Variants in SF3B1 observed in about 807,000 individuals in gnomAD.
SF3B1 encodes splicing factor 3b subunit 1.
Under a neutral mutation model 153.8 loss-of-function variants are expected in SF3B1, and 12 were observed. That is an observed-to-expected ratio of 0.08 (90% CI 0.05 to 0.13). SF3B1 has a LOEUF of 0.13. Among genes scored for constraint, SF3B1 ranks in the 10% least tolerant of loss-of-function variants. The pLI, the probability that SF3B1 is intolerant of heterozygous loss-of-function variation, is 1.00. For missense variants in SF3B1, 513 were observed against 1,606.1 expected, an observed-to-expected ratio of 0.32 and a Z score of 11.63; for synonymous variants, 498 against 525.2, an observed-to-expected ratio of 0.95 and a Z score of 0.71.
intron 1 of SF3B1, among the ~76,000 whole-genome samples, chr2:197,431,309 G>C (rs1054524025): frequency 5.9e-5 from 9 of 151,572 alleles, no homozygotes; most frequent in Admixed American, 6.6e-5. Flanking sequence ...TAGTAGAGAG[G>C]GGGTTTCACC....
In SF3B1 at chr2:197,408,117, G is replaced by T; in HGVS notation, c.1120C>A (p.His374Asn). The T allele has an allele frequency of 6.2e-7, 1 of 1,612,090 alleles. No homozygotes were observed. The highest frequency in any genetic ancestry group is 1.1e-5 in the South Asian group (1 of 90,810). The change falls in exon 9 of 25, where the codon CAC becomes AAC. Residue 374 changes from histidine to asparagine, a missense_variant and splice_region_variant. Transcript: ENST00000335508. Reference protein sequence around the residue: ...AMNMATPTPGHIMSMTPEQLQ... With the variant: ...AMNMATPTPGNIMSMTPEQLQ... ...TGTTCAGGAGTCATACTCATTATGT[G>T]ACCTACCAAGAAAAGCAAATTTTTA... is the stretch of plus-strand genomic sequence containing the variant.
chr2:197,424,897 C>T (rs531988826), intron 1 of SF3B1, among the ~76,000 whole-genome samples: 2 of 152,348 alleles, frequency 1.3e-5, no homozygotes, highest in East Asian at 3.9e-4. Flanking sequence ...CGGTGGTCCA[C>T]GCCTATAATC....
chr2:197,413,621 C>T (rs1348000320), intron 6 of SF3B1, among the ~76,000 whole-genome samples: 1 of 152,070 alleles, frequency 6.6e-6, no homozygotes, highest in Non-Finnish European at 1.5e-5. Flanking sequence ...AAATCTATAG[C>T]AGTCTAGGCT....
chr2:197,424,366 G>A (rs958081927), intron 1 of SF3B1, among the ~76,000 whole-genome samples: 3 of 152,026 alleles, frequency 2.0e-5, no homozygotes, highest in Admixed American at 1.3e-4. Flanking sequence ...CTGGGCGTGG[G>A]GGCATGCACC....
chr2:197,392,608 C>T (rs192279105), intron 24 of SF3B1, 147 bp from the exon 25 acceptor site: 63 of 567,742 alleles, frequency 1.1e-4, no homozygotes, highest in African/African-American at 1.0e-3. Flanking sequence ...TGCTCTTAAG[C>T]TGCAATGGAA....
intron 20 of SF3B1, 106 bp from the exon 21 acceptor site, chr2:197,398,687 C>G: frequency 9.5e-7 from 1 of 1,053,376 alleles, no homozygotes; most frequent in Non-Finnish European, 1.4e-6. Context: ...TATAAACTTA[C>G]AGCTGCCTAG....
rs150224757 is a variant in SF3B1 at position 197,429,892 on chromosome 2, T to C, written c.28+5080A>G. ...GCCAATAATTTTCTGGGTGCTTCCA[T>C]TGCTTGTAGGCCCCCTAACATCTTG... is the stretch of plus-strand genomic sequence containing the variant. On this transcript the variant is annotated intron_variant, in intron 1 of 24. Transcript: ENST00000335508. Among the ~76,000 whole-genome samples the C allele has an allele frequency of 1.2e-3, 181 of 152,302 alleles. 4 individuals carry two copies. The East Asian group carries it at 0.031, about 26-fold the overall frequency.
At chr2:197,420,920 T>C in intron 3 of SF3B1, 109 bp downstream of exon 3, 2 of 693,678 alleles carry the variant, frequency 2.9e-6, no homozygotes, top group Non-Finnish European at 2.5e-6. Flanking sequence ...AAATAAGTTA[T>C]TATTTATAAT....
At chr2:197,433,644 T>C (rs963692708) in intron 1 of SF3B1, among the ~76,000 whole-genome samples, 10 of 152,238 alleles carry the variant, frequency 6.6e-5, no homozygotes, top group African/African-American at 9.6e-5. Flanking sequence ...GTTTGATAAA[T>C]AGCAGAAAGC....
rs2084924071 is a variant in SF3B1, at chr2:197,400,214, A to C, written c.2901+38T>G. 6.2e-7 allele frequency: 1 copy of C among 1,610,050 alleles called. No individual in the cohort carries two copies. Among genetic ancestry groups the C allele is most frequent in the African/African-American group, 1.3e-5 (1 of 74,802 alleles). ...AAAATGTTACTATTTACATTAAACT[A>C]TTTGGGGAAGAAGTAAGAATTTGAT... On this transcript the variant is annotated intron_variant, in intron 19 of 24. Transcript: ENST00000335508. This position sits in a 1 kb window ranked among gnomAD's most constrained non-coding sequence, Gnocchi z 5.0.
At chr2:197,418,780 C>A (rs2106008202) in intron 4 of SF3B1, 192 bp from the exon 5 acceptor site, 1 of 1,470,048 alleles carries the variant, frequency 6.8e-7, no homozygotes, top group South Asian at 1.5e-5. Flanking sequence ...TGTTTGAACA[C>A]AAACATCTAC....
intron 9 of SF3B1, among the ~76,000 whole-genome samples, chr2:197,407,630 C>A (rs894019443): frequency 2.4e-4 from 36 of 148,220 alleles, no homozygotes; most frequent in Middle Eastern, 3.6e-3. Flanking sequence ...AAAAAAAATT[C>A]TTTGTGTCCA....
rs556353673 is a variant in SF3B1, at chr2:197,396,040, A to C, written c.3539+16T>G. ...GAGTTATAATTATTTTCTTGTATTT[A>C]GTTCAAGTCACTTACCTATCCATTA... On this transcript the variant is annotated intron_variant, in intron 23 of 24. Transcript: ENST00000335508. 27 of 1,581,200 alleles carry C rather than the reference A, an allele frequency of 1.7e-5. No homozygotes were observed. Among genetic ancestry groups the C allele is most frequent in the Non-Finnish European group, 2.3e-5 (27 of 1,156,504 alleles).
At chr2:197,418,097 ATGGTGACACACACT>A (rs2085179800) in intron 5 of SF3B1, among the ~76,000 whole-genome samples, 1 of 151,736 alleles carries the variant, frequency 6.6e-6, no homozygotes, top group Admixed American at 6.6e-5. Context: ...TTAGCTAGGC[ATGGTGACACACACT>A]TGTGTTCCCA....
At chr2:197,425,462 G>A (rs543633860) in intron 1 of SF3B1, among the ~76,000 whole-genome samples, 3 of 150,898 alleles carry the variant, frequency 2.0e-5, no homozygotes, top group East Asian at 2.0e-4. Context: ...GCGAAACTCC[G>A]TCTCAAAAAA....
At chr2:197,422,221 T>C (rs2085255296) in intron 2 of SF3B1, among the ~76,000 whole-genome samples, 1 of 152,036 alleles carries the variant, frequency 6.6e-6, no homozygotes, top group Non-Finnish European at 1.5e-5. Flanking sequence ...TCTAGAAATT[T>C]CACCTTTTGG....
chr2:197,428,767 C>T (rs1347366606), intron 1 of SF3B1, among the ~76,000 whole-genome samples: 1 of 152,022 alleles, frequency 6.6e-6, no homozygotes, highest in Non-Finnish European at 1.5e-5. Flanking sequence ...GGTGGTGGCA[C>T]GCCTGTAATC....
chr2:197,423,611 C>G (rs1344534515), intron 2 of SF3B1, among the ~76,000 whole-genome samples, 197 bp downstream of exon 2: 1 of 152,126 alleles, frequency 6.6e-6, no homozygotes, highest in Non-Finnish European at 1.5e-5. Context: ...ACAAACTAGT[C>G]TTTACCATAA....
rs1207560975 is a variant in SF3B1 at position 197,392,093 on chromosome 2, T to C, written c.*210A>G. The C allele has an allele frequency of 5.4e-6, 2 of 369,012 alleles. No homozygotes were observed. Among genetic ancestry groups the C allele is most frequent in the Non-Finnish European group, 9.7e-6 (2 of 206,088 alleles). 22.9% of individuals were successfully genotyped at this position (369,012 alleles called of 1,614,324 possible). A position where few individuals can be genotyped will look rare whatever the true frequency, so the allele number is the denominator to read the frequency against. On this transcript the variant is annotated 3_prime_UTR_variant, in exon 25 of 25. Coordinates refer to ENST00000335508, the MANE Select transcript of SF3B1 (RefSeq NM_012433.4). ...TGAAATCCCTCCAGTATAGTGTATA[T>C]AATCACTGTGTTCTTGGTCACTACT...
Sources: gnomAD v4.1 joint callset for allele counts (sites outside exome capture counted in the v4.1 genomes callset) on GRCh38, gnomAD v4.1.1 for gene constraint, Gnocchi (gnomAD v3.1) non-coding constraint, MANE v1.5 for transcripts, NCBI Gene and HGNC (gene_info 2026-07-23, HGNC 2026-07-21) for gene names.